Variants in PLCXD3 observed in about 807,000 individuals in gnomAD.
PLCXD3 encodes PI-PLC X domain-containing protein 3.
In PLCXD3, 19 loss-of-function variants were observed where a neutral mutation model predicts 25.5. That is an observed-to-expected ratio of 0.75 (90% CI 0.52 to 1.09). The LOEUF is 1.09. Ranked by LOEUF, PLCXD3 falls within the 50% of genes least tolerant of loss-of-function variation. The pLI is 0.00. For missense variants in PLCXD3, 411 were observed against 388.1 expected (o/e 1.06, Z -0.50); for synonymous variants, 174 against 137.6 (o/e 1.26, Z -1.85).
At chr5:41,338,426 C>T (rs1199622420) in intron 2 of PLCXD3, among the ~76,000 whole-genome samples, 4 of 152,082 alleles carry the variant, frequency 2.6e-5, no homozygotes, top group Non-Finnish European at 2.9e-5. Context: ...AGCCCTGCTA[C>T]TACCGCCCCT....
chr5:41,404,895 T>A (rs1746306680), intron 1 of PLCXD3, among the ~76,000 whole-genome samples: 1 of 152,162 alleles, frequency 6.6e-6, no homozygotes, highest in South Asian at 2.1e-4. Flanking sequence ...TCAATTCCAG[T>A]ATCCATATCC....
intron 1 of PLCXD3, among the ~76,000 whole-genome samples, chr5:41,466,000 T>G (rs985708244): frequency 6.6e-6 from 1 of 152,110 alleles, no homozygotes; most frequent in East Asian, 1.9e-4. Context: ...CTTTATCCTT[T>G]GCAAACACAA....
intron 2 of PLCXD3, among the ~76,000 whole-genome samples, chr5:41,361,271 C>T (rs1345523831): frequency 6.6e-6 from 1 of 152,324 alleles, no homozygotes; most frequent in Admixed American, 6.5e-5. Flanking sequence ...CCCACAGCAG[C>T]ACTGAGTTTA....
intron 2 of PLCXD3, among the ~76,000 whole-genome samples, chr5:41,361,286 C>A (rs887882290): frequency 6.6e-6 from 1 of 152,180 alleles, no homozygotes; most frequent in Non-Finnish European, 1.5e-5. Context: ...AGTTTATTTC[C>A]AGGCAGCCAA....
At chr5:41,331,546 C>G (rs1301913724) in intron 2 of PLCXD3, among the ~76,000 whole-genome samples, 1 of 152,094 alleles carries the variant, frequency 6.6e-6, no homozygotes, top group Admixed American at 6.6e-5. Context: ...CAAGGCCATC[C>G]CCATCAAGCT....
chr5:41,506,823 G>A (rs550769440), intron 1 of PLCXD3, among the ~76,000 whole-genome samples: 10 of 152,080 alleles, frequency 6.6e-5, no homozygotes, highest in Middle Eastern at 3.2e-3. Context: ...TTTATAAAGC[G>A]TTTCTGTGTT....
At chr5:41,506,464 A>T (rs1171427753) in intron 1 of PLCXD3, among the ~76,000 whole-genome samples, 1 of 152,202 alleles carries the variant, frequency 6.6e-6, no homozygotes, top group Non-Finnish European at 1.5e-5. Context: ...TCACTTCTGT[A>T]TCACTATCCA....
chr5:41,343,568 GTAC>G (rs901744055), intron 2 of PLCXD3, among the ~76,000 whole-genome samples: 1 of 152,160 alleles, frequency 6.6e-6, no homozygotes, highest in Non-Finnish European at 1.5e-5. Context: ...GGTTTCACAG[GTAC>G]TACTACTAAA....
chr5:41,341,951 C>T (rs1744164446), intron 2 of PLCXD3, among the ~76,000 whole-genome samples: 1 of 152,124 alleles, frequency 6.6e-6, no homozygotes, highest in African/African-American at 2.4e-5. Context: ...TAAGAAATTT[C>T]CACCATCTAC....
chr5:41,331,438 A>G (rs1019635617), intron 2 of PLCXD3, among the ~76,000 whole-genome samples: 1 of 152,200 alleles, frequency 6.6e-6, no homozygotes, highest in African/African-American at 2.4e-5. Context: ...CAAGGAAATA[A>G]AAGAGGATAC....
At chr5:41,489,827 A>T (rs1486499556) in intron 1 of PLCXD3, among the ~76,000 whole-genome samples, 1 of 150,978 alleles carries the variant, frequency 6.6e-6, no homozygotes, top group East Asian at 1.9e-4. Flanking sequence ...GCTTAAGGAG[A>T]TTTTGGGCTG....
chr5:41,493,085 A>C (rs2150526285), intron 1 of PLCXD3, among the ~76,000 whole-genome samples: 1 of 152,016 alleles, frequency 6.6e-6, no homozygotes, highest in East Asian at 1.9e-4. Context: ...GTCTTTGATG[A>C]TGGTGATGTA....
intron 1 of PLCXD3, among the ~76,000 whole-genome samples, chr5:41,505,086 G>A (rs1315621296): frequency 6.6e-6 from 1 of 152,074 alleles, no homozygotes; most frequent in African/African-American, 2.4e-5. Flanking sequence ...CTCATTGGGT[G>A]GAGTTGGAAT....
chr5:41,313,216 C>G lies in PLCXD3; in HGVS notation c.*401G>C, dbSNP rs773071487. 67 of 169,466 alleles carry G rather than the reference C, an allele frequency of 4.0e-4. No individual in the cohort carries two copies. The highest frequency in any genetic ancestry group is 6.8e-4 in the Non-Finnish European group (53 of 77,898). 10.5% of individuals were successfully genotyped at this position (169,466 alleles called of 1,614,324 possible). ...GCATTCAATTGTTTTGATTCCCATACAGCATCTGATTAAAAAGAGCGAGCA... is the reference window on the plus strand; with the variant it reads ...GCATTCAATTGTTTTGATTCCCATAGAGCATCTGATTAAAAAGAGCGAGCA... On this transcript the variant is annotated 3_prime_UTR_variant, in exon 3 of 3. Transcript: ENST00000377801.
chr5:41,478,597 A>T (rs1344557216), intron 1 of PLCXD3, among the ~76,000 whole-genome samples: 1 of 152,208 alleles, frequency 6.6e-6, no homozygotes, highest in East Asian at 1.9e-4. Context: ...TCAAAGCCTC[A>T]CTCAGAGACT....
Position 41,489,275 on chromosome 5 carries a change from T to A in PLCXD3, c.103+21149A>T, listed in dbSNP as rs933096826. On this transcript the variant is annotated intron_variant, in intron 1 of 2. Coordinates refer to ENST00000377801, the MANE Select transcript of PLCXD3 (RefSeq NM_001005473.3). ...CATTATTTCTGAGGGCTCTGTTCTG[T>A]TCCATTGATCTATATCTCTGTTTTG... 1.1e-4 allele frequency among the ~76,000 whole-genome samples: 16 copies of A among 152,206 alleles called. No homozygotes were observed. The East Asian group carries it at 1.2e-3, about 11-fold the overall frequency.
chr5:41,379,288 C>A (rs1745385257), intron 2 of PLCXD3, among the ~76,000 whole-genome samples: 1 of 152,064 alleles, frequency 6.6e-6, no homozygotes, highest in African/African-American at 2.4e-5. Context: ...ATGTACACAA[C>A]TCCCTCACTT....
chr5:41,317,256 C>T (rs1743327038), intron 2 of PLCXD3, among the ~76,000 whole-genome samples: 1 of 152,188 alleles, frequency 6.6e-6, no homozygotes, highest in African/African-American at 2.4e-5. Context: ...TGGACCAAGG[C>T]CATCAAGGTG....
intron 1 of PLCXD3, among the ~76,000 whole-genome samples, chr5:41,507,377 T>G (rs931241705): frequency 6.6e-6 from 1 of 152,184 alleles, no homozygotes; most frequent in Non-Finnish European, 1.5e-5. Flanking sequence ...TAACTGTCAA[T>G]GTGTTCTGGC....
Sources: allele counts gnomAD v4.1 joint callset (sites outside exome capture counted in the v4.1 genomes callset), GRCh38; gene constraint gnomAD v4.1.1; transcripts MANE v1.5; gene names NCBI Gene and HGNC (gene_info 2026-07-23, HGNC 2026-07-21).